Variants in GSDMC observed in about 807,000 individuals in gnomAD.
The protein encoded by GSDMC is gasdermin-C.
In GSDMC, 59 loss-of-function variants were observed where a neutral mutation model predicts 58.0. That is an observed-to-expected ratio of 1.02 (90% CI 0.82 to 1.26). GSDMC has a LOEUF of 1.26. Among genes scored for constraint, GSDMC ranks in the 50% most tolerant of loss-of-function variants. GSDMC has a pLI of 0.00. For synonymous variants in GSDMC, 241 were observed against 220.2 expected (o/e 1.09, Z -0.83); for missense variants, 659 against 598.5 (o/e 1.10, Z -1.06).
chr8:129,756,033 C>A (rs1250547580), intron 6 of GSDMC, among the ~76,000 whole-genome samples: 1 of 151,154 alleles, frequency 6.6e-6, no homozygotes, highest in Non-Finnish European at 1.5e-5. Context: ...GGGCTAAACT[C>A]ATCAATCAAA....
intron 5 of GSDMC, among the ~76,000 whole-genome samples, chr8:129,761,191 T>C (rs2033647084): frequency 6.6e-6 from 1 of 152,164 alleles, no homozygotes; most frequent in Non-Finnish European, 1.5e-5. Context: ...CCCTAGCTGA[T>C]GCAAGGAGTG....
At chr8:129,708,955 G>A in the GSDMC span, among the ~76,000 whole-genome samples, 2 of 152,188 alleles carry the variant, frequency 1.3e-5, no homozygotes, top group Non-Finnish European at 2.9e-5. Flanking sequence ...CTGAATATAG[G>A]GGAAATAATG....
At chr8:129,762,823 T>G in intron 4 of GSDMC, 92 bp from the exon 5 acceptor site, 1 of 790,134 alleles carries the variant, frequency 1.3e-6, no homozygotes, top group Non-Finnish European at 2.2e-6. Flanking sequence ...AACATCAGCA[T>G]TCCCTGCTCT....
chr8:129,740,796 T>C, the GSDMC span, among the ~76,000 whole-genome samples: 1 of 152,216 alleles, frequency 6.6e-6, no homozygotes, highest in Non-Finnish European at 1.5e-5. Flanking sequence ...CCATAGGTTG[T>C]CTCTTCACTC....
At chr8:129,733,012 C>G in the GSDMC span, among the ~76,000 whole-genome samples, 5 of 152,226 alleles carry the variant, frequency 3.3e-5, no homozygotes, top group Non-Finnish European at 7.3e-5. Context: ...GATTATATCC[C>G]GCATGTGGCT....
intron 2 of GSDMC, 93 bp downstream of exon 2, chr8:129,777,275 C>T (rs2130555684): frequency 1.3e-6 from 1 of 753,072 alleles, no homozygotes; most frequent in Non-Finnish European, 2.2e-6. Context: ...GAGCTCCTTT[C>T]TGTGTGCTCA....
At chr8:129,723,833 C>G in the GSDMC span, among the ~76,000 whole-genome samples, 1 of 152,196 alleles carries the variant, frequency 6.6e-6, no homozygotes, top group African/African-American at 2.4e-5. Context: ...AATACTACTA[C>G]TCTAGCCCTT....
At chr8:129,752,182 C>T (rs1276718611) in intron 7 of GSDMC, 35 bp from the exon 8 acceptor site, 14 of 1,549,330 alleles carry the variant, frequency 9.0e-6, no homozygotes, top group Non-Finnish European at 1.2e-5. Flanking sequence ...ACTCACCAAA[C>T]ATTAGTCTAC....
Position 129,752,812 on chromosome 8 carries a change from T to G in GSDMC, c.730A>C (p.Ile244Leu). The G allele has an allele frequency of 3.1e-6, 5 of 1,613,998 alleles. No individual in the cohort carries two copies. Among genetic ancestry groups the G allele is most frequent in the Non-Finnish European group, 4.2e-6 (5 of 1,179,962 alleles). ...EQRTFQDEYE[I>L]SEMVGYCAAR... ...GCACAGTAGCCTACCATTTCGGAAA[T>G]TTCGTACTCTTGGGAGAGAGGGAGA... The change falls in exon 7 of 14, where the codon ATT becomes CTT. Residue 244 changes from isoleucine to leucine, a missense_variant. By Grantham distance (5) the Ile-to-Leu change is conservative. Coordinates refer to ENST00000276708, the MANE Select transcript of GSDMC (RefSeq NM_031415.3).
chr8:129,757,084 G>C (rs1054321036), intron 6 of GSDMC, among the ~76,000 whole-genome samples: 4 of 149,858 alleles, frequency 2.7e-5, no homozygotes, highest in African/African-American at 9.8e-5. Flanking sequence ...TTAAAGTGAA[G>C]AAAACAATAC....
intron 3 of GSDMC, among the ~76,000 whole-genome samples, chr8:129,771,610 C>T (rs935423867): frequency 1.3e-5 from 2 of 150,796 alleles, no homozygotes; most frequent in Admixed American, 1.3e-4. Flanking sequence ...CTGAGACAAA[C>T]AAAAATGAAA....
At chr8:129,777,303 G>A (rs1320483196) in intron 2 of GSDMC, 65 bp downstream of exon 2, 22 of 958,140 alleles carry the variant, frequency 2.3e-5, no homozygotes, top group Non-Finnish European at 3.1e-5. Flanking sequence ...TTGGATGGTG[G>A]GCCATCTTTT....
At chr8:129,748,812 C>A in intron 13 of GSDMC, 72 bp from the exon 14 acceptor site, 8 of 1,272,784 alleles carry the variant, frequency 6.3e-6, no homozygotes, top group Non-Finnish European at 7.4e-6. Context: ...GCCCCAGTAT[C>A]CAGGGGCCAT....
chr8:129,759,057 T>A (rs1410536059), intron 6 of GSDMC, among the ~76,000 whole-genome samples: 1 of 151,956 alleles, frequency 6.6e-6, no homozygotes, highest in Non-Finnish European at 1.5e-5. Flanking sequence ...GAAACAAATC[T>A]ATGTACCTAC....
At chr8:129,713,233 A>G in the GSDMC span, among the ~76,000 whole-genome samples, 1 of 152,194 alleles carries the variant, frequency 6.6e-6, no homozygotes, top group African/African-American at 2.4e-5. Flanking sequence ...TCTGAGAACA[A>G]TCTCCCTACA....
At chr8:129,736,729 CAA>C in the GSDMC span, among the ~76,000 whole-genome samples, 1 of 152,168 alleles carries the variant, frequency 6.6e-6, no homozygotes, top group African/African-American at 2.4e-5. Flanking sequence ...AAAACTGGCA[CAA>C]GACAGGGATG....
chr8:129,750,114 T>C lies in GSDMC; in HGVS notation c.1089A>G (p.Glu363=), dbSNP rs1161410668. ...GALQDLMNML[E]LDSSGHLDGP... is the part of the protein sequence containing the mutation. The stretch of plus-strand genomic sequence containing the variant: ...CATCCAAATGACCTGAGCTGTCCAA[T>C]TCCAGCTATAGAAGACAGGTATTAT... The change falls in exon 12 of 14, where the codon GAA becomes GAG. Residue 363 remains glutamate (E), a synonymous_variant. Coordinates refer to ENST00000276708, the MANE Select transcript of GSDMC (RefSeq NM_031415.3). 3.2e-6 allele frequency: 5 copies of C among 1,566,602 alleles called. No individual in the cohort carries two copies. The highest frequency in any genetic ancestry group is 4.3e-6 in the Non-Finnish European group (5 of 1,162,408).
Position 129,765,700 on chromosome 8 carries a change from G to A in GSDMC, c.498C>T (p.Asn166=). 1 of 1,612,450 alleles carries A rather than the reference G, an allele frequency of 6.2e-7. No individual in the cohort carries two copies. The part of the protein sequence containing the change: ...YVVTEAVELI[N]NTVLYDSSSV... ...TACTGCTATCGTACAGCACAGTATT[G>A]TTGATCAGTTCAACAGCCTCTGTCA... The change falls in exon 4 of 14, where the codon AAC becomes AAT. Residue 166 remains asparagine (N), a synonymous_variant. Coordinates refer to ENST00000276708, the MANE Select transcript of GSDMC (RefSeq NM_031415.3).
chr8:129,730,414 C>T, the GSDMC span: 8 of 1,154,416 alleles, frequency 6.9e-6, no homozygotes, highest in African/African-American at 1.3e-4. Flanking sequence ...GATTATGAAT[C>T]TTTAGTAGAA....
Sources: gnomAD v4.1 joint callset for allele counts (sites outside exome capture counted in the v4.1 genomes callset) on GRCh38, gnomAD v4.1.1 for gene constraint, MANE v1.5 for transcripts, NCBI Gene and HGNC (gene_info 2026-07-23, HGNC 2026-07-21) for gene names.